The following CHPT1 variants were observed in gnomAD, a reference collection of about 807,000 sequenced individuals.
CHPT1 encodes choline phosphotransferase 1, also known as cholinephosphotransferase 1.
CHPT1 carries 36 observed loss-of-function variants against 47.6 expected under a neutral mutation model. The ratio of observed to expected loss-of-function variants is 0.76; its 90% CI spans 0.58 to 1.00. The LOEUF is 1.00. Among genes scored for constraint, CHPT1 ranks in the 50% least tolerant of loss-of-function variants. The pLI is 0.00. For missense variants in CHPT1, 458 were observed against 498.1 expected, an observed-to-expected ratio of 0.92 and a Z score of 0.77; for synonymous variants, 194 against 186.3, an observed-to-expected ratio of 1.04 and a Z score of -0.33.
chr12:101,720,026 T>C (rs1299490177), intron 4 of CHPT1, 97 bp from the exon 5 acceptor site: 3 of 682,604 alleles, frequency 4.4e-6, no homozygotes, highest in Non-Finnish European at 6.7e-6. Flanking sequence ...AGAAAAAGGA[T>C]AGCTTATTGT....
intron 1 of CHPT1, among the ~76,000 whole-genome samples, chr12:101,702,057 A>T (rs1323244265): frequency 6.6e-6 from 1 of 152,096 alleles, no homozygotes; most frequent in Non-Finnish European, 1.5e-5. Context: ...TTCCTTGGCT[A>T]CCTAATCTTA....
chr12:101,699,530 C>T (rs1951520760), intron 1 of CHPT1, among the ~76,000 whole-genome samples: 1 of 151,482 alleles, frequency 6.6e-6, no homozygotes, highest in African/African-American at 2.4e-5. Flanking sequence ...TGGGACTACA[C>T]GTGCCTGCCA....
chr12:101,723,675 A>C (rs1365651412), intron 6 of CHPT1, 47 bp from the exon 7 acceptor site: 5 of 1,153,464 alleles, frequency 4.3e-6, no homozygotes, highest in African/African-American at 1.6e-5. Flanking sequence ...AAAAGCTAAC[A>C]CATTTAAAAC....
intron 5 of CHPT1, among the ~76,000 whole-genome samples, chr12:101,722,617 C>T (rs949805879): frequency 4.0e-5 from 6 of 150,414 alleles, no homozygotes; most frequent in African/African-American, 1.5e-4. Context: ...CTTTGAGAAG[C>T]TGAGGCTGGG....
intron 1 of CHPT1, among the ~76,000 whole-genome samples, chr12:101,701,915 G>T (rs1212116951): frequency 4.6e-5 from 7 of 152,162 alleles, no homozygotes; most frequent in Non-Finnish European, 1.0e-4. Flanking sequence ...CCTAGCAATT[G>T]TTTGGCCTTG....
chr12:101,713,057 C>T (rs1951716898), intron 1 of CHPT1, among the ~76,000 whole-genome samples: 1 of 148,178 alleles, frequency 6.7e-6, no homozygotes, highest in South Asian at 2.2e-4. Context: ...TTACTTGGAT[C>T]CTTTTGAGGC....
intron 1 of CHPT1, among the ~76,000 whole-genome samples, chr12:101,698,816 G>C (rs181509630): frequency 1.3e-5 from 2 of 152,262 alleles, no homozygotes; most frequent in Admixed American, 1.3e-4. Flanking sequence ...GTAAATATAG[G>C]CTTTGGATAG....
chr12:101,717,229 A>G, intron 4 of CHPT1: 1 of 452,114 alleles, frequency 2.2e-6, no homozygotes, highest in Non-Finnish European at 4.5e-6. Context: ...TTTATAATCT[A>G]CTTTGAGGTG....
At chr12:101,724,083 G>A (rs1951903460) in intron 7 of CHPT1, among the ~76,000 whole-genome samples, 1 of 152,072 alleles carries the variant, frequency 6.6e-6, no homozygotes, top group Non-Finnish European at 1.5e-5. Flanking sequence ...GCCAGGCGTG[G>A]TGGTGCATCC....
At chr12:101,711,329 CAATGGAAT>C (rs1951699034) in intron 1 of CHPT1, among the ~76,000 whole-genome samples, 1 of 148,592 alleles carries the variant, frequency 6.7e-6, no homozygotes, top group African/African-American at 2.4e-5. Context: ...GTAGTATGCA[CAATGGAAT>C]ATTACTGAGC....
In CHPT1 at chr12:101,716,758, A is replaced by C; in HGVS notation, c.594A>C (p.Leu198Phe). The C allele has an allele frequency of 6.2e-7, 1 of 1,608,836 alleles. No individual in the cohort carries two copies. The highest frequency in any genetic ancestry group is 8.5e-7 in the Non-Finnish European group (1 of 1,177,596). ...KVDVTEIQIA[L>F]VIVFVLSAFG... ...ATGTAACTGAAATTCAGATAGCTTTAGTGATTGTCTTTGTGTTGTCTGCAT... is the reference window on the plus strand; with the variant it reads ...ATGTAACTGAAATTCAGATAGCTTTCGTGATTGTCTTTGTGTTGTCTGCAT... Residue 198 changes from leucine to phenylalanine, a missense_variant, in exon 4 of 9, where the codon TTA becomes TTC. By Grantham distance (22) the Leu-to-Phe change is conservative. Transcript: ENST00000229266.
In CHPT1 at chr12:101,728,972, T is replaced by C. The variant is rs190337934; in HGVS notation, c.*27T>C. 927 of 1,612,074 alleles carry C rather than the reference T, an allele frequency of 5.8e-4. 3 individuals carry two copies. In the East Asian group the frequency reaches 0.016, roughly 29 times the overall value. Reference sequence around the variant, plus strand: ...GAGACTTCCGAACACTTGCTATCTCTTGCTGCTGCTGTTTCATGGAAGGAG... The same window carrying C: ...GAGACTTCCGAACACTTGCTATCTCCTGCTGCTGCTGTTTCATGGAAGGAG... On this transcript the variant is annotated 3_prime_UTR_variant, in exon 9 of 9. Transcript: ENST00000229266.
intron 3 of CHPT1, among the ~76,000 whole-genome samples, chr12:101,715,668 G>A (rs1476542433): frequency 6.6e-6 from 1 of 152,126 alleles, no homozygotes; most frequent in Non-Finnish European, 1.5e-5. Context: ...AATGTAGATT[G>A]GAGATAAGGA....
At chr12:101,700,800 G>C (rs12579890) in intron 1 of CHPT1, among the ~76,000 whole-genome samples, 18,348 of 152,178 alleles carry the variant, frequency 0.12, 1,309 homozygotes, top group Middle Eastern at 0.26. Flanking sequence ...CATCTATCCT[G>C]AAGTAACAGT....
chr12:101,727,426 C>T (rs1455721579), intron 8 of CHPT1: 1 of 151,736 alleles, frequency 6.6e-6, no homozygotes, highest in African/African-American at 2.4e-5. Context: ...CTTCAGATTC[C>T]CATCTGACCC....
chr12:101,719,979 C>A, intron 4 of CHPT1, 144 bp from the exon 5 acceptor site: 3 of 480,566 alleles, frequency 6.2e-6, no homozygotes, highest in Non-Finnish European at 6.8e-6. Context: ...TAAGTTATCA[C>A]TTTGGATTAT....
Position 101,698,018 on chromosome 12 carries a change from C to A in CHPT1, c.157C>A (p.Leu53Met), listed in dbSNP as rs373517414. The change falls in exon 1 of 9, where the codon CTG (leucine) becomes ATG (methionine). Residue 53 changes from leucine to methionine, a missense_variant. By Grantham distance (15) the Leu-to-Met change is conservative. Coordinates refer to ENST00000229266, the MANE Select transcript of CHPT1 (RefSeq NM_020244.3). The part of the protein sequence containing the change: ...EPPLQLYWTW[L>M]LQWIPLWMAP... ...GCCGCTGCAGCTCTACTGGACCTGGCTGCTCCAGTGGATCCCGCTCTGGAT... is the reference window on the plus strand; with the variant it reads ...GCCGCTGCAGCTCTACTGGACCTGGATGCTCCAGTGGATCCCGCTCTGGAT... The A allele has an allele frequency of 1.3e-6, 2 of 1,579,106 alleles. No individual in the cohort carries two copies. Among genetic ancestry groups the A allele is most frequent in the Non-Finnish European group, 1.7e-6 (2 of 1,171,796 alleles).
chr12:101,720,380 A>T (rs1486443249), intron 5 of CHPT1, 126 bp downstream of exon 5: 12 of 808,082 alleles, frequency 1.5e-5, no homozygotes, highest in Non-Finnish European at 2.4e-5. Context: ...TAAAGAATTC[A>T]TTTTAGGCAC....
In CHPT1 at chr12:101,723,299, CTT is replaced by C; in HGVS notation, c.914_915del (p.Phe305CysfsTer2). The C allele has an allele frequency of 6.2e-7, 1 of 1,603,518 alleles. No individual in the cohort carries two copies. The highest frequency in any genetic ancestry group is 8.5e-7 in the Non-Finnish European group (1 of 1,175,146). On this transcript the variant is annotated frameshift_variant, in exon 6 of 9. Coordinates refer to ENST00000229266, the MANE Select transcript of CHPT1 (RefSeq NM_020244.3). LOFTEE classifies it high-confidence loss of function. ...TTTATATCCTAATGTTTGGATGTGTCTTTGCTAAAGTCTCACAAAAATTAGTG... is the reference window on the plus strand; with the variant it reads ...TTTATATCCTAATGTTTGGATGTGTCTGCTAAAGTCTCACAAAAATTAGTG... ...CLYILMFGCV[F>X]AKVSQKLVVA...
Sources: gnomAD v4.1 joint callset for allele counts (sites outside exome capture counted in the v4.1 genomes callset) on GRCh38, gnomAD v4.1.1 for gene constraint, MANE v1.5 for transcripts, NCBI Gene and HGNC (gene_info 2026-07-23, HGNC 2026-07-21) for gene names.